Variants in DPP10 observed in about 807,000 individuals in gnomAD.
DPP10 encodes inactive dipeptidyl peptidase 10.
Under a neutral mutation model 120.9 loss-of-function variants are expected in DPP10, and 33 were observed. The observed-to-expected ratio is 0.27, with a 90% CI of 0.21 to 0.37. DPP10 has a LOEUF of 0.37. Among genes scored for constraint, DPP10 ranks in the 10% least tolerant of loss-of-function variants. The probability of loss-of-function intolerance (pLI) is 1.00; values close to 1 mark genes in which losing one functional copy is unlikely to be tolerated. For missense variants in DPP10, 816 were observed against 942.8 expected (o/e 0.87, Z 1.76); for synonymous variants, 337 against 326.1 (o/e 1.03, Z -0.36).
At chr2:114,957,981 G>T in intron 1 of DPP10, among the ~76,000 whole-genome samples, 1 of 152,132 alleles carries the variant, frequency 6.6e-6, no homozygotes, top group East Asian at 1.9e-4. Context: ...AGATCAAAGG[G>T]TATGTTAAAA....
intron 1 of DPP10, among the ~76,000 whole-genome samples, chr2:115,020,631 T>C (rs1310087838): frequency 2.0e-5 from 3 of 152,050 alleles, no homozygotes; most frequent in South Asian, 2.1e-4. Flanking sequence ...AAATGAACAA[T>C]GGACTTAAAC....
intron 3 of DPP10, among the ~76,000 whole-genome samples, chr2:115,476,863 T>C (rs994724743): frequency 6.6e-6 from 1 of 152,050 alleles, no homozygotes; most frequent in Admixed American, 6.6e-5. Context: ...GTTCAACATA[T>C]AAAAATCAAT....
chr2:115,047,124 G>A (rs766464291), intron 1 of DPP10, among the ~76,000 whole-genome samples: 4 of 151,934 alleles, frequency 2.6e-5, no homozygotes, highest in Non-Finnish European at 5.9e-5. Flanking sequence ...TTTGTATACA[G>A]TTCCATTAAA....
At chr2:115,155,343 G>T (rs2051840389) in intron 1 of DPP10, among the ~76,000 whole-genome samples, 1 of 152,172 alleles carries the variant, frequency 6.6e-6, no homozygotes, top group South Asian at 2.1e-4. Context: ...AGTCCTAATA[G>T]ATCAGTTATA....
chr2:114,989,474 G>A (rs894994229), intron 1 of DPP10, among the ~76,000 whole-genome samples: 1 of 152,168 alleles, frequency 6.6e-6, no homozygotes, highest in African/African-American at 2.4e-5. Flanking sequence ...GTTAGTGGCA[G>A]CATATATGTC....
At chr2:114,809,039 G>C (rs930301405) in intron 1 of DPP10, among the ~76,000 whole-genome samples, 5 of 149,272 alleles carry the variant, frequency 3.3e-5, no homozygotes, top group Non-Finnish European at 7.4e-5. Context: ...AATTAATTAA[G>C]TAATTGAGTA....
chr2:115,237,560 A>G (rs1486492633), intron 1 of DPP10, among the ~76,000 whole-genome samples: 2 of 152,196 alleles, frequency 1.3e-5, no homozygotes, highest in African/African-American at 4.8e-5. Flanking sequence ...GATTAAGCTT[A>G]ATGAGGAAGG....
chr2:115,582,068 C>T (rs974512619), intron 5 of DPP10, among the ~76,000 whole-genome samples: 1 of 152,120 alleles, frequency 6.6e-6, no homozygotes, highest in African/African-American at 2.4e-5. Context: ...AAATAAAGTA[C>T]ACTTGGAAGA....
Position 115,468,394 on chromosome 2 carries a change from C to T in DPP10, c.272-31116C>T, listed in dbSNP as rs1033236240. 6.0e-6 allele frequency: 3 copies of T among 496,704 alleles called. No homozygotes were observed. The Admixed American group carries it at 6.2e-5, about 10-fold the overall frequency. The allele number at this position is 496,704 out of a possible 1,614,324, so 30.8% of individuals were successfully genotyped here. A position where few individuals can be genotyped will look rare whatever the true frequency, so the allele number is the denominator to read the frequency against. ...ATGTTCACTAACCAGATCCTGGCAG[C>T]CTTTCAGGAGCCACAGCTTCTAGTG... On this transcript the variant is annotated intron_variant, in intron 3 of 25. Transcript: ENST00000410059.
At chr2:115,217,489 T>C (rs2105391192) in intron 1 of DPP10, among the ~76,000 whole-genome samples, 1 of 152,346 alleles carries the variant, frequency 6.6e-6, no homozygotes. Context: ...ATAGCAATAA[T>C]TGGCTATGCA....
intron 21 of DPP10, among the ~76,000 whole-genome samples, chr2:115,828,356 T>C (rs183950406): frequency 3.9e-5 from 6 of 152,282 alleles, no homozygotes; most frequent in Admixed American, 3.9e-4. Context: ...GGTATAGTTT[T>C]CTTCATATGT....
At chr2:115,108,463 A>G (rs2049055423) in intron 1 of DPP10, among the ~76,000 whole-genome samples, 1 of 152,214 alleles carries the variant, frequency 6.6e-6, no homozygotes, top group Admixed American at 6.5e-5. Context: ...GAAGTCAGAA[A>G]TCCAATTCTT....
chr2:115,209,219 G>A (rs773429211), intron 1 of DPP10, among the ~76,000 whole-genome samples: 2 of 152,022 alleles, frequency 1.3e-5, no homozygotes, highest in Non-Finnish European at 2.9e-5. Context: ...AGATATTACT[G>A]CTGTCTAAAA....
At chr2:115,441,400 G>C (rs1461384224) in intron 3 of DPP10, among the ~76,000 whole-genome samples, 2 of 152,176 alleles carry the variant, frequency 1.3e-5, no homozygotes, top group African/African-American at 4.8e-5. Flanking sequence ...GTTATGTGAA[G>C]TTGTGGGGGA....
chr2:114,846,056 G>C (rs1484166149), intron 1 of DPP10, among the ~76,000 whole-genome samples: 1 of 151,896 alleles, frequency 6.6e-6, no homozygotes, highest in Non-Finnish European at 1.5e-5. Context: ...GAAACAGGCT[G>C]TGCTAATAGA....
chr2:114,834,326 C>CACACCTATGTATATATAAGCCATGTCTAT (rs1558790264), intron 1 of DPP10, among the ~76,000 whole-genome samples: 8,652 of 149,004 alleles, frequency 0.058, 1,038 homozygotes, highest in African/African-American at 0.21. Flanking sequence ...GCCATGTCTA[C>CACACCTATGTATATATAAGCCATGTCTAT]ACACCTATGT....
chr2:114,651,602 A>G (rs1696587412), intron 1 of DPP10, among the ~76,000 whole-genome samples: 1 of 152,186 alleles, frequency 6.6e-6, no homozygotes, highest in Non-Finnish European at 1.5e-5. Context: ...ACACTGTTTT[A>G]AAAACTGGTT....
chr2:115,415,747 A>G (rs1455230120), intron 3 of DPP10, among the ~76,000 whole-genome samples: 1 of 150,716 alleles, frequency 6.6e-6, no homozygotes, highest in African/African-American at 2.4e-5. Context: ...TGGAATTTAC[A>G]TATGTATATG....
At chr2:115,382,721 G>T (rs1315711849) in intron 3 of DPP10, among the ~76,000 whole-genome samples, 1 of 152,216 alleles carries the variant, frequency 6.6e-6, no homozygotes, top group Non-Finnish European at 1.5e-5. Context: ...TATAAAAAAA[G>T]AGCTGGAATA....
Sources: allele counts gnomAD v4.1 joint callset (sites outside exome capture counted in the v4.1 genomes callset), GRCh38; gene constraint gnomAD v4.1.1; transcripts MANE v1.5; gene names NCBI Gene and HGNC (gene_info 2026-07-23, HGNC 2026-07-21).